PM20D2: variants seen among roughly 807,000 people sequenced by gnomAD.
PM20D2 encodes xaa-Arg dipeptidase.
A neutral mutation model predicts 42.9 loss-of-function variants in PM20D2; 33 were observed. The ratio of observed to expected loss-of-function variants is 0.77; its 90% CI spans 0.58 to 1.03. The LOEUF (loss-of-function observed/expected upper bound fraction) is 1.03, where lower values mean the gene tolerates loss of function less well. Ranked by LOEUF, PM20D2 falls within the 50% of genes least tolerant of loss-of-function variation. The pLI is 0.00. For synonymous variants in PM20D2, 250 were observed against 228.2 expected (o/e 1.10, Z -0.86); for missense variants, 548 against 557.0 (o/e 0.98, Z 0.16).
chr6:89,125,458 T>G, the PM20D2 span, among the ~76,000 whole-genome samples: 1 of 145,074 alleles, frequency 6.9e-6, no homozygotes, highest in African/African-American at 2.6e-5. Context: ...CCAGCCTGGG[T>G]GACAGAGCGA....
upstream of PM20D2, among the ~76,000 whole-genome samples, chr6:89,142,782 C>T (rs1212037519): frequency 3.3e-5 from 5 of 152,144 alleles, no homozygotes; most frequent in Admixed American, 1.3e-4. Flanking sequence ...CTCAGCCTCC[C>T]GAATAGCTGG....
chr6:89,111,676 T>C, the PM20D2 span, among the ~76,000 whole-genome samples: 1 of 152,180 alleles, frequency 6.6e-6, no homozygotes, highest in East Asian at 1.9e-4. Context: ...CAATAAAACG[T>C]TGGCGGTTGT....
At chr6:89,132,729 T>C in the PM20D2 span, among the ~76,000 whole-genome samples, 20 of 150,414 alleles carry the variant, frequency 1.3e-4, no homozygotes, top group Non-Finnish European at 2.5e-4. Flanking sequence ...TCCCAGCTAC[T>C]CGGGAGGCTG....
chr6:89,162,002 C>A, intron 6 of PM20D2, 107 bp from the exon 7 acceptor site: 1 of 1,465,036 alleles, frequency 6.8e-7, no homozygotes, highest in Non-Finnish European at 9.5e-7. Context: ...GTAAATACTG[C>A]ACTGTGGTGG....
At chr6:89,116,672 T>C in the PM20D2 span, among the ~76,000 whole-genome samples, 2 of 151,278 alleles carry the variant, frequency 1.3e-5, no homozygotes, top group Non-Finnish European at 2.9e-5. Flanking sequence ...CTACTTTGGA[T>C]GCTGAGGCAG....
At chr6:89,099,819 G>C in the PM20D2 span, among the ~76,000 whole-genome samples, 2 of 152,112 alleles carry the variant, frequency 1.3e-5, no homozygotes, top group African/African-American at 4.8e-5. Flanking sequence ...ACAGGCGTGA[G>C]CTACCACACC....
chr6:89,121,406 T>C, the PM20D2 span, among the ~76,000 whole-genome samples: 2 of 152,188 alleles, frequency 1.3e-5, no homozygotes, highest in East Asian at 3.8e-4. Flanking sequence ...GGCCAGTGTC[T>C]TGCCCTGGTC....
the PM20D2 span, among the ~76,000 whole-genome samples, chr6:89,122,544 A>T: frequency 2.0e-5 from 3 of 152,210 alleles, no homozygotes; most frequent in Non-Finnish European, 4.4e-5. Flanking sequence ...TCAAATAGTA[A>T]AAGACTGATT....
At chr6:89,131,895 T>C in the PM20D2 span, among the ~76,000 whole-genome samples, 1 of 152,220 alleles carries the variant, frequency 6.6e-6, no homozygotes, top group Middle Eastern at 3.4e-3. Context: ...ACTTGTCCAG[T>C]TGGCCAGAAG....
chr6:89,154,647 T>G (rs949108620), intron 3 of PM20D2, 101 bp from the exon 4 acceptor site: 2 of 849,170 alleles, frequency 2.4e-6, no homozygotes, highest in Non-Finnish European at 3.5e-6. Flanking sequence ...GTTTAAATTA[T>G]TTTTCTTTAT....
the PM20D2 span, among the ~76,000 whole-genome samples, chr6:89,138,030 T>C: frequency 3.3e-5 from 5 of 152,204 alleles, no homozygotes; most frequent in African/African-American, 1.2e-4. Context: ...CCCTTGGTAT[T>C]TAGTGCTATG....
chr6:89,133,229 T>A, the PM20D2 span, among the ~76,000 whole-genome samples: 1 of 150,610 alleles, frequency 6.6e-6, no homozygotes, highest in Non-Finnish European at 1.5e-5. Flanking sequence ...ATCCTGTCTC[T>A]AAAAAATAAA....
the PM20D2 span, among the ~76,000 whole-genome samples, chr6:89,107,660 G>A: frequency 6.6e-6 from 1 of 152,032 alleles, no homozygotes; most frequent in Admixed American, 6.6e-5. Context: ...GAGTGAGCAT[G>A]GGGAGGTTGA....
rs991529068 is a variant in PM20D2, at chr6:89,162,461, G to T, written c.*198G>T. ...ATTTTTGCAAATCCGTACTTGATAG[G>T]ATTATGATATTACAGGAGCTGGTAT... On this transcript the variant is annotated 3_prime_UTR_variant, in exon 7 of 7. Transcript: ENST00000275072. 2.1e-6 allele frequency: 1 copy of T among 477,996 alleles called. No homozygotes were observed. The highest frequency in any genetic ancestry group is 3.6e-6 in the Non-Finnish European group (1 of 276,640). 29.6% of individuals were successfully genotyped at this position (477,996 alleles called of 1,614,324 possible).
the PM20D2 span, among the ~76,000 whole-genome samples, chr6:89,094,297 A>G: frequency 1.3e-5 from 2 of 150,926 alleles, no homozygotes; most frequent in Non-Finnish European, 2.9e-5. Flanking sequence ...ATCTTGGTTC[A>G]CTGCAACCTG....
chr6:89,135,660 T>A, the PM20D2 span, among the ~76,000 whole-genome samples: 1 of 151,472 alleles, frequency 6.6e-6, no homozygotes, highest in South Asian at 2.1e-4. Context: ...GCTAAGTTTG[T>A]ACCCTATACG....
In PM20D2 at chr6:89,164,420, CTTG is replaced by C. The variant is rs1771340838; in HGVS notation, c.*2160_*2162del. On this transcript the variant is annotated 3_prime_UTR_variant, in exon 7 of 7. Coordinates refer to ENST00000275072, the MANE Select transcript of PM20D2 (RefSeq NM_001010853.3). ...CATAATTTCTTTGGTTTTTCTATTGCTTGTTATTATTATGTAAAAACTGGGTGG... is the reference window on the plus strand; with the variant it reads ...CATAATTTCTTTGGTTTTTCTATTGCTTATTATTATGTAAAAACTGGGTGG... 2.0e-5 allele frequency: 3 copies of C among 152,478 alleles called. No homozygotes were observed. The highest frequency in any genetic ancestry group is 1.3e-4 in the Admixed American group (2 of 15,260). The allele number at this position is 152,478 out of a possible 1,614,324, so 9.4% of individuals were successfully genotyped here.
chr6:89,141,105 A>T (rs563544849), upstream of PM20D2, among the ~76,000 whole-genome samples: 3 of 152,218 alleles, frequency 2.0e-5, no homozygotes, highest in South Asian at 6.2e-4. Flanking sequence ...CCTCCTGGAC[A>T]ACTGCATCTA....
chr6:89,154,479 C>G (rs139202756), intron 3 of PM20D2, among the ~76,000 whole-genome samples: 426 of 152,092 alleles, frequency 2.8e-3, no homozygotes, highest in Middle Eastern at 0.014. Context: ...TCATTATAGT[C>G]TGGATCATAA....
Sources: gnomAD v4.1 joint callset for allele counts (sites outside exome capture counted in the v4.1 genomes callset) on GRCh38, gnomAD v4.1.1 for gene constraint, MANE v1.5 for transcripts, NCBI Gene and HGNC (gene_info 2026-07-23, HGNC 2026-07-21) for gene names.